Variants in SUSD6 observed in about 807,000 individuals in gnomAD.
SUSD6 encodes sushi domain containing 6, also known as sushi domain-containing protein 6.
In SUSD6, 16 loss-of-function variants were observed where a neutral mutation model predicts 28.4. That is an observed-to-expected ratio of 0.56 (90% CI 0.38 to 0.86). The LOEUF is 0.86. Ranked by LOEUF, SUSD6 falls within the 40% of genes least tolerant of loss-of-function variation. The probability of loss-of-function intolerance (pLI) is 0.00; values close to 1 mark genes in which losing one functional copy is unlikely to be tolerated. For missense variants in SUSD6, 341 were observed against 384.2 expected, an observed-to-expected ratio of 0.89 and a Z score of 0.94; for synonymous variants, 147 against 159.6, an observed-to-expected ratio of 0.92 and a Z score of 0.59.
intron 2 of SUSD6, among the ~76,000 whole-genome samples, chr14:69,702,070 A>G (rs1337735690): frequency 6.6e-6 from 1 of 152,006 alleles, no homozygotes. Context: ...AAACTGCCTT[A>G]TCTTGGACAG....
At chr14:69,658,287 G>A (rs1885613717) in intron 1 of SUSD6, among the ~76,000 whole-genome samples, 1 of 152,188 alleles carries the variant, frequency 6.6e-6, no homozygotes, top group South Asian at 2.1e-4. Context: ...CTGCCATCCA[G>A]GTGAGACAGA....
At chr14:69,685,244 A>G (rs1886055720) in intron 2 of SUSD6, among the ~76,000 whole-genome samples, 1 of 152,194 alleles carries the variant, frequency 6.6e-6, no homozygotes, top group Admixed American at 6.5e-5. Context: ...GACTAGCCCT[A>G]AAGGACATTA....
chr14:69,690,065 A>G (rs1886132120), intron 2 of SUSD6, among the ~76,000 whole-genome samples: 2 of 152,228 alleles, frequency 1.3e-5, no homozygotes, highest in African/African-American at 2.4e-5. Context: ...TGGCATTTAG[A>G]CATAGTTATC....
At chr14:69,696,753 C>CT (rs1365589554) in intron 2 of SUSD6, among the ~76,000 whole-genome samples, 1 of 152,158 alleles carries the variant, frequency 6.6e-6, no homozygotes, top group African/African-American at 2.4e-5. Context: ...CATGTGGTGA[C>CT]TGAGAACTTG....
At chr14:69,704,767 T>C (rs2139646241) in intron 4 of SUSD6, 25 bp downstream of exon 4, 1 of 1,610,294 alleles carries the variant, frequency 6.2e-7, no homozygotes, top group Non-Finnish European at 8.5e-7. Context: ...AGAGCTGACA[T>C]GAGACAGGCA....
chr14:69,689,833 T>C (rs749695564), intron 2 of SUSD6, among the ~76,000 whole-genome samples: 1 of 152,198 alleles, frequency 6.6e-6, no homozygotes, highest in Non-Finnish European at 1.5e-5. Flanking sequence ...GCCTGGCTAA[T>C]TTTTGTATTT....
intron 2 of SUSD6, among the ~76,000 whole-genome samples, chr14:69,675,553 T>C (rs560307785): frequency 8.3e-4 from 122 of 147,100 alleles, no homozygotes; most frequent in African/African-American, 2.7e-3. Context: ...TTTTTTTTTT[T>C]CTTGGGCCTG....
At chr14:69,622,916 C>A (rs570451500) in intron 1 of SUSD6, among the ~76,000 whole-genome samples, 1 of 152,122 alleles carries the variant, frequency 6.6e-6, no homozygotes, top group Non-Finnish European at 1.5e-5. Flanking sequence ...TGTAAGATAT[C>A]GCATACTGTC....
intron 1 of SUSD6, among the ~76,000 whole-genome samples, chr14:69,651,569 A>G (rs934335890): frequency 2.0e-5 from 3 of 152,208 alleles, no homozygotes; most frequent in Non-Finnish European, 2.9e-5. Flanking sequence ...GAGTCCGGTA[A>G]AATATGTGGC....
At chr14:69,649,045 C>T (rs1287983973) in intron 1 of SUSD6, among the ~76,000 whole-genome samples, 2 of 152,172 alleles carry the variant, frequency 1.3e-5, no homozygotes, top group Non-Finnish European at 2.9e-5. Context: ...TCTCCCTACT[C>T]CCATCAGAAG....
chr14:69,614,447 G>A (rs1233101073), intron 1 of SUSD6, among the ~76,000 whole-genome samples: 2 of 152,162 alleles, frequency 1.3e-5, no homozygotes, highest in African/African-American at 4.8e-5. Context: ...AGCAATTCCT[G>A]CAGCAGCCTT....
chr14:69,703,627 G>A, intron 3 of SUSD6, 35 bp downstream of exon 3: 1 of 1,594,538 alleles, frequency 6.3e-7, no homozygotes, highest in Non-Finnish European at 8.6e-7. Context: ...ATGCTGCTGG[G>A]GTTCTGCTTT....
At chr14:69,704,827 G>A in intron 4 of SUSD6, 85 bp downstream of exon 4, 1 of 1,467,370 alleles carries the variant, frequency 6.8e-7, no homozygotes, top group South Asian at 1.2e-5. Context: ...GTTGCTGGTG[G>A]CCCCAATCTC....
chr14:69,654,046 G>A lies in SUSD6; in HGVS notation c.-80-4467G>A, dbSNP rs978797095. On this transcript the variant is annotated intron_variant, in intron 1 of 5. Coordinates refer to ENST00000342745, the MANE Select transcript of SUSD6 (RefSeq NM_014734.4). ...GCAAAGCCCTCATTTCCATCACCCC[G>A]TCTGTTCTGCACCTGTCCCGTCTTA... 7.2e-5 allele frequency among the ~76,000 whole-genome samples: 11 copies of A among 152,040 alleles called. No homozygotes were observed. The South Asian group carries it at 1.0e-3, about 14-fold the overall frequency.
chr14:69,707,431 A>G (rs557247225), intron 4 of SUSD6, among the ~76,000 whole-genome samples: 4 of 152,356 alleles, frequency 2.6e-5, no homozygotes, highest in East Asian at 1.9e-4. Flanking sequence ...TACTCTCACA[A>G]ATTTACTTTG....
chr14:69,678,977 G>A (rs921836296), intron 2 of SUSD6, among the ~76,000 whole-genome samples: 11 of 152,180 alleles, frequency 7.2e-5, no homozygotes, highest in Admixed American at 7.2e-4. Context: ...ATTCTTCACA[G>A]TAATTGTACC....
intron 1 of SUSD6, among the ~76,000 whole-genome samples, chr14:69,633,853 A>G (rs2139598543): frequency 6.6e-6 from 1 of 152,336 alleles, no homozygotes; most frequent in South Asian, 2.1e-4. Flanking sequence ...ATGATGATAC[A>G]TGGAATAAAC....
chr14:69,650,676 C>G (rs529526534), intron 1 of SUSD6, among the ~76,000 whole-genome samples: 1 of 152,300 alleles, frequency 6.6e-6, no homozygotes, highest in Admixed American at 6.5e-5. Context: ...TATTTGTTCT[C>G]TCTTGCCTTC....
intron 1 of SUSD6, among the ~76,000 whole-genome samples, chr14:69,613,891 A>G (rs1043103560): frequency 2.6e-5 from 4 of 152,150 alleles, no homozygotes; most frequent in Non-Finnish European, 5.9e-5. Flanking sequence ...CAAATGGGCA[A>G]GTTTGACTTC....
Sources: allele counts gnomAD v4.1 joint callset (sites outside exome capture counted in the v4.1 genomes callset), GRCh38; gene constraint gnomAD v4.1.1; transcripts MANE v1.5; gene names NCBI Gene and HGNC (gene_info 2026-07-23, HGNC 2026-07-21).